Variants in AFAP1L2 observed in about 807,000 individuals in gnomAD.
AFAP1L2 encodes actin filament-associated protein 1-like 2.
A neutral mutation model predicts 99.3 loss-of-function variants in AFAP1L2; 46 were observed. The observed-to-expected ratio is 0.46, with a 90% CI of 0.37 to 0.59. The LOEUF (loss-of-function observed/expected upper bound fraction) is 0.59. Ranked by LOEUF, AFAP1L2 falls within the 20% of genes least tolerant of loss-of-function variation. AFAP1L2 has a pLI of 0.00. For missense variants in AFAP1L2, 959 were observed against 1,034.9 expected, an observed-to-expected ratio of 0.93 and a Z score of 1.01; for synonymous variants, 397 against 419.1, an observed-to-expected ratio of 0.95 and a Z score of 0.64.
At chr10:114,314,168 A>G in intron 6 of AFAP1L2, 118 bp from the exon 7 acceptor site, 1 of 1,008,392 alleles carries the variant, frequency 9.9e-7, no homozygotes, top group Non-Finnish European at 1.4e-6. Context: ...TTAACCCAGC[A>G]AGACTAAGAG....
At chr10:114,324,550 G>C (rs1393744712) in intron 4 of AFAP1L2, among the ~76,000 whole-genome samples, 1 of 152,248 alleles carries the variant, frequency 6.6e-6, no homozygotes, top group East Asian at 1.9e-4. Flanking sequence ...CATGCCCGTG[G>C]TGTCTTTCTG....
chr10:114,347,981 C>T (rs1055431018), intron 1 of AFAP1L2, among the ~76,000 whole-genome samples: 7 of 152,184 alleles, frequency 4.6e-5, no homozygotes, highest in African/African-American at 1.7e-4. Flanking sequence ...CTATTTCCCC[C>T]TAGGCTCAGA....
intron 1 of AFAP1L2, among the ~76,000 whole-genome samples, chr10:114,373,203 G>A (rs910513907): frequency 4.6e-5 from 7 of 152,096 alleles, no homozygotes; most frequent in Non-Finnish European, 5.9e-5. Flanking sequence ...CGATCATGCC[G>A]CTGCACTCCA....
rs1241185207 is a variant in AFAP1L2 at position 114,340,596 on chromosome 10, C to G, written c.145+7G>C. 1 of 1,613,332 alleles carries G rather than the reference C, an allele frequency of 6.2e-7. No individual in the cohort carries two copies. Among genetic ancestry groups the G allele is most frequent in the Non-Finnish European group, 8.5e-7 (1 of 1,179,624 alleles). On this transcript the variant is annotated splice_region_variant and intron_variant, in intron 2 of 18. Transcript: ENST00000304129. ...AGGCCTCTGCACCACCCAGGGCCCACACTCACTGCTGCTTTTGGTGTAAAG... is the reference window on the plus strand; with the variant it reads ...AGGCCTCTGCACCACCCAGGGCCCAGACTCACTGCTGCTTTTGGTGTAAAG...
downstream of AFAP1L2, chr10:114,291,225 G>C: frequency 6.4e-7 from 1 of 1,550,550 alleles, no homozygotes; most frequent in Non-Finnish European, 8.7e-7. Flanking sequence ...CAGGATTCTT[G>C]AGACGCCCCT....
intron 1 of AFAP1L2, among the ~76,000 whole-genome samples, chr10:114,341,328 C>G (rs1482091759): frequency 6.6e-6 from 1 of 152,154 alleles, no homozygotes; most frequent in Non-Finnish European, 1.5e-5. Context: ...AAAAGCCACA[C>G]CTGGGCCGAG....
intron 4 of AFAP1L2, 103 bp from the exon 5 acceptor site, chr10:114,323,364 C>G: frequency 4.0e-6 from 4 of 997,542 alleles, no homozygotes; most frequent in Non-Finnish European, 6.1e-6. Context: ...AAATGCCCAG[C>G]TGGACTTTAA....
intron 1 of AFAP1L2, among the ~76,000 whole-genome samples, chr10:114,368,134 A>G (rs2053553264): frequency 6.6e-6 from 1 of 152,262 alleles, no homozygotes; most frequent in African/African-American, 2.4e-5. Flanking sequence ...GGCCTTAAAA[A>G]GAAGGAAATC....
intron 1 of AFAP1L2, among the ~76,000 whole-genome samples, chr10:114,389,168 C>T (rs1311030670): frequency 6.6e-6 from 1 of 152,216 alleles, no homozygotes; most frequent in African/African-American, 2.4e-5. Context: ...GCACCAGGTC[C>T]TGCCTCTGGG....
chr10:114,298,833 T>C (rs147263016), intron 16 of AFAP1L2, among the ~76,000 whole-genome samples: 1 of 152,206 alleles, frequency 6.6e-6, no homozygotes, highest in African/African-American at 2.4e-5. Context: ...AGGCTGGAAA[T>C]GAAGGCTGAT....
chr10:114,349,872 C>T (rs144647933), intron 1 of AFAP1L2, among the ~76,000 whole-genome samples: 31 of 152,290 alleles, frequency 2.0e-4, no homozygotes, highest in African/African-American at 7.5e-4. Context: ...CCAAGCCTGG[C>T]CTGCAAGGGT....
intron 2 of AFAP1L2, among the ~76,000 whole-genome samples, chr10:114,335,394 C>T (rs576416914): frequency 3.9e-5 from 6 of 151,930 alleles, no homozygotes; most frequent in South Asian, 2.1e-4. Context: ...GGGCGGATCA[C>T]GAGGTCAGGA....
rs1159217691 is a variant in AFAP1L2, at chr10:114,377,486, T to C, written c.16+26954A>G. On this transcript the variant is annotated intron_variant, in intron 1 of 18. Coordinates refer to ENST00000304129, the MANE Select transcript of AFAP1L2 (RefSeq NM_001001936.3). This position sits in a 1 kb window ranked among gnomAD's most constrained non-coding sequence, Gnocchi z 4.0. ...GAGGACACAAACGTTTGTTGACTGA[T>C]TGCTGTATCATAGACACTGTACCAT... Among the ~76,000 whole-genome samples, 1 of 152,212 alleles carries C rather than the reference T, an allele frequency of 6.6e-6. No individual in the cohort carries two copies. The highest frequency in any genetic ancestry group is 2.4e-5 in the African/African-American group (1 of 41,458).
At chr10:114,362,993 C>T (rs1425702137) in intron 1 of AFAP1L2, 6 of 985,220 alleles carry the variant, frequency 6.1e-6, no homozygotes, top group South Asian at 4.7e-5. Context: ...GGTGGCAGCC[C>T]GACAGGTGGG....
intron 9 of AFAP1L2, among the ~76,000 whole-genome samples, 157 bp downstream of exon 9, chr10:114,308,276 G>A (rs550511034): frequency 9.9e-5 from 15 of 152,186 alleles, no homozygotes; most frequent in East Asian, 1.9e-4. Context: ...CAATTTGGCC[G>A]AGTCTCCCTT....
chr10:114,331,883 C>G lies in AFAP1L2; in HGVS notation c.235G>C (p.Gly79Arg), dbSNP rs2047292343. 7.5e-7 allele frequency: 1 copy of G among 1,329,924 alleles called. No homozygotes were observed. The highest frequency in any genetic ancestry group is 9.7e-7 in the Non-Finnish European group (1 of 1,030,726). 82.4% of individuals were successfully genotyped at this position (1,329,924 alleles called of 1,614,324 possible). A position where few individuals can be genotyped will look rare whatever the true frequency, so the allele number is the denominator to read the frequency against. The change falls in exon 4 of 19, where the codon GGC (glycine) becomes CGC (arginine). Residue 79 changes from glycine to arginine, a missense_variant. Gly to Arg is a moderately radical substitution (Grantham distance 125). Around this residue, in one of 2 missense-constraint regions of AFAP1L2, gnomAD observed 383 missense variants for 472.8 expected, o/e 0.81. Coordinates refer to ENST00000304129, the MANE Select transcript of AFAP1L2 (RefSeq NM_001001936.3). ...ESQGKAPEEQGLLPNGEPSQH... is the reference protein window; with the variant it reads ...ESQGKAPEEQRLLPNGEPSQH... Reference sequence around the variant, plus strand: ...CTGGGCTCCCCATTGGGTAGCAGGCCCTGCTCCTCAGGCGCTGCGGGCAGC... The same window carrying G: ...CTGGGCTCCCCATTGGGTAGCAGGCGCTGCTCCTCAGGCGCTGCGGGCAGC...
At position 114,313,935 on chromosome 10, in the gene AFAP1L2, G is replaced by T; in HGVS notation, c.728C>A (p.Pro243Gln). 1 of 1,613,924 alleles carries T rather than the reference G, an allele frequency of 6.2e-7. No homozygotes were observed. Among genetic ancestry groups the T allele is most frequent in the Non-Finnish European group, 8.5e-7 (1 of 1,179,986 alleles). The change falls in exon 7 of 19, where the codon CCG (proline) becomes CAG (glutamine). Residue 243 changes from proline (P) to glutamine (Q), a missense_variant. By Grantham distance (76) the Pro-to-Gln change is moderately conservative (BLOSUM62 -1). This residue lies in a region of AFAP1L2 where 383 missense variants were observed against 472.8 expected (regional missense o/e 0.81). Coordinates refer to ENST00000304129, the MANE Select transcript of AFAP1L2 (RefSeq NM_001001936.3). ...CAGCACAATCACATCGGCATTCATC[G>T]GCGTGATCTTCAGCTTGTGCTCCTT... ...RKKEHKLKIT[P>Q]MNADVIVLGL...
At chr10:114,338,251 G>A (rs2048281450) in intron 2 of AFAP1L2, among the ~76,000 whole-genome samples, 1 of 152,184 alleles carries the variant, frequency 6.6e-6, no homozygotes, top group Non-Finnish European at 1.5e-5. Flanking sequence ...TGATGGCCAG[G>A]GCAGGTGGAG....
chr10:114,310,207 G>T, intron 8 of AFAP1L2, 147 bp downstream of exon 8: 1 of 799,920 alleles, frequency 1.3e-6, no homozygotes. Flanking sequence ...GCTTACAGGC[G>T]TGAGCCCACC....
Sources: allele counts gnomAD v4.1 joint callset (sites outside exome capture counted in the v4.1 genomes callset), GRCh38; gene constraint gnomAD v4.1.1; regional missense constraint gnomAD v4.1.1; non-coding constraint Gnocchi (gnomAD v3.1); transcripts MANE v1.5; gene names NCBI Gene and HGNC (gene_info 2026-07-23, HGNC 2026-07-21).